MROH9: variants seen among roughly 807,000 people sequenced by gnomAD.
The protein encoded by MROH9 is maestro heat like repeat family member 9.
MROH9 carries 92 observed loss-of-function variants against 98.2 expected under a neutral mutation model. The ratio of observed to expected loss-of-function variants is 0.94; its 90% confidence interval spans 0.79 to 1.11. The LOEUF (loss-of-function observed/expected upper bound fraction) is 1.11. MROH9 is among the 50% of genes most tolerant of loss of function. The pLI is 0.00. For synonymous variants in MROH9, 397 were observed against 368.9 expected (o/e 1.08, Z -0.87); for missense variants, 1,057 against 1,014.8 (o/e 1.04, Z -0.57).
chr1:171,000,276 T>G (rs939933134), intron 15 of MROH9, among the ~76,000 whole-genome samples: 5 of 125,932 alleles, frequency 4.0e-5, no homozygotes, highest in Non-Finnish European at 5.7e-5. Context: ...TGTCTAGAAG[T>G]TTTTTTTCCA....
intron 8 of MROH9, among the ~76,000 whole-genome samples, chr1:170,975,596 C>T (rs990238451): frequency 2.6e-5 from 4 of 152,146 alleles, no homozygotes; most frequent in African/African-American, 9.7e-5. Context: ...TTAATCTGCT[C>T]TGTATGCCCA....
Position 170,971,862 on chromosome 1 carries a change from T to G in MROH9, c.595T>G (p.Tyr199Asp). 2.5e-6 allele frequency: 4 copies of G among 1,614,018 alleles called. No homozygotes were observed. The highest frequency in any genetic ancestry group is 3.4e-6 in the Non-Finnish European group (4 of 1,179,912). Residue 199 changes from tyrosine to aspartate, a missense_variant, in exon 8 of 22, where the codon TAC becomes GAC. Tyr to Asp is a radical substitution (Grantham distance 160). Coordinates refer to ENST00000367759, the MANE Select transcript of MROH9 (RefSeq NM_001163629.2). ...QASLGMCHLL[Y>D]IARCQNDIGT... The stretch of plus-strand genomic sequence containing the variant: ...ATCATTGGGAATGTGTCACCTCCTC[T>G]ACATTGCACGGTGTCAGAACGGTAA...
rs1039250871 is a variant in MROH9 at position 170,947,383 on chromosome 1, C to T, written c.26-144C>T. On this transcript the variant is annotated intron_variant, in intron 2 of 21. Transcript: ENST00000367759. ...CCAGTAATACTCACAGTAAATTTGT[C>T]TATAGTTTTAGTGTGTGTGTGCATG... is the stretch of plus-strand genomic sequence containing the variant. 4 of 621,090 alleles carry T rather than the reference C, an allele frequency of 6.4e-6. No homozygotes were observed. In the East Asian group the frequency reaches 1.1e-4, roughly 17 times the overall value. 38.5% of individuals were successfully genotyped at this position (621,090 alleles called of 1,614,324 possible).
intron 20 of MROH9, among the ~76,000 whole-genome samples, chr1:171,037,359 GA>G (rs940904474): frequency 1.3e-5 from 2 of 151,590 alleles, no homozygotes; most frequent in African/African-American, 2.4e-5. Flanking sequence ...AGAAAAGAAG[GA>G]AGGATAGACA....
chr1:171,045,704 A>G (rs1653452732), intron 20 of MROH9, among the ~76,000 whole-genome samples: 1 of 152,190 alleles, frequency 6.6e-6, no homozygotes, highest in African/African-American at 2.4e-5. Context: ...CTGTTCAGTG[A>G]CCTAACATAC....
intron 3 of MROH9, among the ~76,000 whole-genome samples, chr1:170,955,220 G>C (rs61815213): frequency 0.08 from 12,126 of 152,046 alleles, 620 homozygotes; most frequent in Non-Finnish European, 0.11. Flanking sequence ...TCCACTTGTT[G>C]ATGGGCATTT....
chr1:171,026,012 G>T (rs149839077), intron 20 of MROH9, among the ~76,000 whole-genome samples: 1 of 152,158 alleles, frequency 6.6e-6, no homozygotes, highest in African/African-American at 2.4e-5. Flanking sequence ...CTTGGCAGTC[G>T]GATCTTCCCT....
chr1:171,056,846 C>T (rs1653853947), intron 20 of MROH9, among the ~76,000 whole-genome samples: 1 of 152,158 alleles, frequency 6.6e-6, no homozygotes, highest in Non-Finnish European at 1.5e-5. Flanking sequence ...AAGTGGACCC[C>T]CAGCAAATGG....
chr1:170,958,212 C>A (rs1025861369), intron 3 of MROH9, among the ~76,000 whole-genome samples: 17 of 152,172 alleles, frequency 1.1e-4, no homozygotes, highest in Non-Finnish European at 2.1e-4. Flanking sequence ...TTACAAAGTG[C>A]TGTCTGGAAA....
intron 20 of MROH9, among the ~76,000 whole-genome samples, chr1:171,051,742 A>G (rs1410058320): frequency 6.6e-6 from 1 of 152,238 alleles, no homozygotes; most frequent in African/African-American, 2.4e-5. Flanking sequence ...CCCAGAACTT[A>G]AAATCAAATT....
chr1:171,001,343 C>T (rs1206171885), intron 15 of MROH9, among the ~76,000 whole-genome samples: 1 of 151,846 alleles, frequency 6.6e-6, no homozygotes, highest in East Asian at 1.9e-4. Flanking sequence ...CTTAGGTTGT[C>T]GATTTGTGCT....
intron 20 of MROH9, among the ~76,000 whole-genome samples, chr1:171,038,419 C>T (rs893974680): frequency 1.3e-5 from 2 of 152,180 alleles, no homozygotes; most frequent in Admixed American, 6.5e-5. Flanking sequence ...TAAATCATTA[C>T]TTTCTCTAAG....
At chr1:171,003,306 G>A (rs985778160) in intron 15 of MROH9, among the ~76,000 whole-genome samples, 1 of 152,220 alleles carries the variant, frequency 6.6e-6, no homozygotes, top group African/African-American at 2.4e-5. Context: ...TTTGAGGGAT[G>A]TCAATGAACC....
At chr1:171,026,295 GAC>G (rs1427397008) in intron 20 of MROH9, among the ~76,000 whole-genome samples, 1 of 141,882 alleles carries the variant, frequency 7.0e-6, no homozygotes, top group Non-Finnish European at 1.5e-5. Flanking sequence ...TTTTTTTTAA[GAC>G]AGAATCTTGC....
At chr1:171,016,573 G>A (rs1275643877) in intron 17 of MROH9, among the ~76,000 whole-genome samples, 9 of 151,922 alleles carry the variant, frequency 5.9e-5, no homozygotes, top group African/African-American at 2.2e-4. Context: ...GGATGAAACT[G>A]TAGCTTTGTG....
intron 8 of MROH9, among the ~76,000 whole-genome samples, chr1:170,978,634 C>G (rs1001781659): frequency 6.6e-6 from 1 of 152,036 alleles, no homozygotes; most frequent in Non-Finnish European, 1.5e-5. Flanking sequence ...ATTGCAGTCG[C>G]GGAGGTATTG....
intron 20 of MROH9, 95 bp downstream of exon 20, chr1:171,025,515 CTG>C (rs1480896275): frequency 2.5e-6 from 2 of 788,258 alleles, no homozygotes; most frequent in Non-Finnish European, 4.1e-6. Flanking sequence ...TTTAATGTCT[CTG>C]TTTATGAGGG....
intron 11 of MROH9, 81 bp from the exon 12 acceptor site, chr1:170,992,083 A>G: frequency 2.9e-6 from 4 of 1,399,514 alleles, no homozygotes; most frequent in Non-Finnish European, 3.8e-6. Flanking sequence ...AACCAAGACT[A>G]TTTTCCTGAT....
At position 170,989,836 on chromosome 1, in the gene MROH9, T is replaced by G. The variant is rs760952083; in HGVS notation, c.880-19T>G. On this transcript the variant is annotated intron_variant, in intron 10 of 21. Transcript: ENST00000367759. ...ATGGAACAGGAGATTCTTGTTTACC[T>G]GTGGAATTTCTCTTCCAGGTGTCTA... 9.5e-6 allele frequency: 15 copies of G among 1,583,736 alleles called. No homozygotes were observed. The African/African-American group carries it at 1.9e-4, about 20-fold the overall frequency.
Sources: gnomAD v4.1 joint callset for allele counts (sites outside exome capture counted in the v4.1 genomes callset) on GRCh38, gnomAD v4.1.1 for gene constraint, MANE v1.5 for transcripts, NCBI Gene and HGNC (gene_info 2026-07-23, HGNC 2026-07-21) for gene names.